Variants in FCHO2 observed in about 807,000 individuals in gnomAD.
FCHO2 encodes the protein FCH and mu domain containing endocytic adaptor 2.
A neutral mutation model predicts 114.1 loss-of-function variants in FCHO2; 43 were observed. The observed-to-expected ratio is 0.38, with a 90% confidence interval of 0.30 to 0.49. The LOEUF (loss-of-function observed/expected upper bound fraction) is 0.49. Among genes scored for constraint, FCHO2 ranks in the 20% least tolerant of loss-of-function variants. FCHO2 has a pLI of 0.97. For missense variants in FCHO2, 807 were observed against 950.4 expected (o/e 0.85, Z 1.98); for synonymous variants, 293 against 315.2 (o/e 0.93, Z 0.75).
At chr5:73,032,350 TTTGAA>T (rs2112788667) in intron 8 of FCHO2, among the ~76,000 whole-genome samples, 1 of 152,350 alleles carries the variant, frequency 6.6e-6, no homozygotes, top group African/African-American at 2.4e-5. Flanking sequence ...TATTTTTTGA[TTTGAA>T]GTGATTTGGC....
chr5:73,088,299 C>T lies in FCHO2; in HGVS notation c.*209C>T. 2 of 579,168 alleles carry T rather than the reference C, an allele frequency of 3.5e-6. No homozygotes were observed. The highest frequency in any genetic ancestry group is 6.0e-6 in the Non-Finnish European group (2 of 334,778). The allele number at this position is 579,168 out of a possible 1,614,324, so 35.9% of individuals were successfully genotyped here. A position where few individuals can be genotyped will look rare whatever the true frequency, so the allele number is the denominator to read the frequency against. On this transcript the variant is annotated 3_prime_UTR_variant, in exon 26 of 26. Transcript: ENST00000430046. ...TCTCTATGTTGTAAATGATCAACTA[C>T]AATATTCAGGAAGCACATTTATTCA...
intron 9 of FCHO2, among the ~76,000 whole-genome samples, chr5:73,036,609 C>T: frequency 6.6e-6 from 1 of 151,684 alleles, no homozygotes; most frequent in East Asian, 2.0e-4. Flanking sequence ...CTTCTGAGTT[C>T]AAGTGATCTG....
intron 2 of FCHO2, among the ~76,000 whole-genome samples, chr5:72,974,007 G>A (rs2112620176): frequency 6.6e-6 from 1 of 151,654 alleles, no homozygotes; most frequent in Non-Finnish European, 1.5e-5. Context: ...ATGTAGTTGA[G>A]CGGTTTTGAG....
chr5:73,008,055 A>G (rs933753011), intron 6 of FCHO2, among the ~76,000 whole-genome samples: 1 of 152,212 alleles, frequency 6.6e-6, no homozygotes, highest in South Asian at 2.1e-4. Flanking sequence ...AGTAAGGGAA[A>G]ATGGTAGTGA....
At chr5:73,059,150 C>G (rs970277668) in intron 17 of FCHO2, among the ~76,000 whole-genome samples, 3 of 152,136 alleles carry the variant, frequency 2.0e-5, no homozygotes, top group Non-Finnish European at 4.4e-5. Context: ...AAAACCACTG[C>G]TTGTTCAAAA....
At chr5:73,000,465 C>A (rs1754374417) in intron 5 of FCHO2, among the ~76,000 whole-genome samples, 1 of 120,558 alleles carries the variant, frequency 8.3e-6, no homozygotes. Flanking sequence ...GAGTGAAACT[C>A]AGTCTTAAAA....
rs111235840 is a variant in FCHO2 at position 72,984,807 on chromosome 5, A to AT, written c.126-4611dup. ...ACCACCATGCCCAGCTAATTTTTGT[A>AT]TTTTTTTTTGTAGAGATGAGGGTTC... On this transcript the variant is annotated intron_variant, in intron 2 of 25. Transcript: ENST00000430046. 1.6e-3 allele frequency among the ~76,000 whole-genome samples: 236 copies of AT among 150,924 alleles called. 1 individual carries two copies. Among genetic ancestry groups the AT allele is most frequent in the African/African-American group, 5.4e-3 (222 of 41,190 alleles).
chr5:72,996,176 G>C (rs1485926475), intron 5 of FCHO2, among the ~76,000 whole-genome samples: 16 of 147,238 alleles, frequency 1.1e-4, no homozygotes, highest in African/African-American at 3.7e-4. Context: ...CCGGGAGTTA[G>C]AGGTTGCAGT....
At chr5:73,063,483 A>G (rs528832426) in intron 17 of FCHO2, among the ~76,000 whole-genome samples, 2 of 152,176 alleles carry the variant, frequency 1.3e-5, no homozygotes, top group Admixed American at 6.5e-5. Context: ...TCGAATTACT[A>G]TCTGTAAAAT....
At chr5:72,972,294 T>C (rs1411275902) in intron 2 of FCHO2, among the ~76,000 whole-genome samples, 7 of 151,594 alleles carry the variant, frequency 4.6e-5, no homozygotes, top group Admixed American at 4.6e-4. Flanking sequence ...CCTTGGGCAG[T>C]ATGGCCATTT....
chr5:73,040,378 A>G (rs956881716), intron 10 of FCHO2, among the ~76,000 whole-genome samples: 9 of 152,132 alleles, frequency 5.9e-5, no homozygotes, highest in Non-Finnish European at 1.3e-4. Flanking sequence ...TGGATTTCAG[A>G]TTTTTGGATT....
intron 11 of FCHO2, 185 bp from the exon 12 acceptor site, chr5:73,051,164 G>A (rs994864147): frequency 2.2e-6 from 1 of 456,674 alleles, no homozygotes; most frequent in Non-Finnish European, 3.8e-6. Flanking sequence ...GCCAGAGCAT[G>A]GAGTGTGATT....
chr5:73,020,949 G>A (rs951989739), intron 8 of FCHO2: 1 of 1,594,828 alleles, frequency 6.3e-7, no homozygotes, highest in Admixed American at 1.7e-5. Context: ...GCAGTTTGTT[G>A]CTTCGGCTGT....
At chr5:73,080,546 A>T (rs1191836648) in intron 22 of FCHO2, among the ~76,000 whole-genome samples, 1 of 152,212 alleles carries the variant, frequency 6.6e-6, no homozygotes. Flanking sequence ...AATGACATGG[A>T]TCTATGTTTG....
At chr5:72,960,542 A>G (rs1438709825) in intron 1 of FCHO2, among the ~76,000 whole-genome samples, 1 of 152,176 alleles carries the variant, frequency 6.6e-6, no homozygotes, top group Admixed American at 6.5e-5. Context: ...TTAAAAAGAT[A>G]TTATAAAAGA....
At chr5:73,021,778 A>G (rs184918099) in intron 8 of FCHO2, among the ~76,000 whole-genome samples, 2 of 152,310 alleles carry the variant, frequency 1.3e-5, no homozygotes, top group East Asian at 3.9e-4. Flanking sequence ...TGAATGAACA[A>G]ATGGGCATTT....
intron 18 of FCHO2, among the ~76,000 whole-genome samples, chr5:73,065,884 C>T (rs1403295653): frequency 6.6e-6 from 1 of 151,842 alleles, no homozygotes; most frequent in East Asian, 1.9e-4. Context: ...CTACCCTTAC[C>T]CTTTTCCCAT....
At chr5:73,058,675 T>C (rs1757713286) in intron 17 of FCHO2, among the ~76,000 whole-genome samples, 151 bp downstream of exon 17, 1 of 152,170 alleles carries the variant, frequency 6.6e-6, no homozygotes, top group Non-Finnish European at 1.5e-5. Flanking sequence ...TATTCTGGTT[T>C]TGTTCTCTTA....
intron 8 of FCHO2, among the ~76,000 whole-genome samples, chr5:73,018,376 T>C (rs1410811378): frequency 6.6e-6 from 1 of 152,188 alleles, no homozygotes; most frequent in Non-Finnish European, 1.5e-5. Context: ...AGCACACTCA[T>C]CTTTTGCCTA....
Sources: allele counts gnomAD v4.1 joint callset (sites outside exome capture counted in the v4.1 genomes callset), GRCh38; gene constraint gnomAD v4.1.1; transcripts MANE v1.5; gene names NCBI Gene and HGNC (gene_info 2026-07-23, HGNC 2026-07-21).